Variants in GUCY1B1 observed in about 807,000 individuals in gnomAD.
GUCY1B1 encodes guanylate cyclase 1 soluble subunit beta 1, also known as guanylate cyclase soluble subunit beta-1.
Under a neutral mutation model 71.0 loss-of-function variants are expected in GUCY1B1, and 43 were observed. The observed-to-expected ratio is 0.61, with a 90% CI of 0.47 to 0.78. The LOEUF is 0.78. Ranked by LOEUF, GUCY1B1 falls within the 30% of genes least tolerant of loss-of-function variation. GUCY1B1 has a pLI of 0.00. For synonymous variants in GUCY1B1, 266 were observed against 259.7 expected, an observed-to-expected ratio of 1.02 and a Z score of -0.23; for missense variants, 535 against 754.1, an observed-to-expected ratio of 0.71 and a Z score of 3.40.
At chr4:155,791,952 G>T (rs1313095382) in intron 5 of GUCY1B1, among the ~76,000 whole-genome samples, 4 of 152,016 alleles carry the variant, frequency 2.6e-5, no homozygotes, top group Non-Finnish European at 5.9e-5. Flanking sequence ...AGAATCTTTG[G>T]CATGGGAGAT....
In GUCY1B1 at chr4:155,789,969, G is replaced by T. The variant is rs1662449087; in HGVS notation, c.495+58G>T. The T allele has an allele frequency of 2.6e-6, 3 of 1,143,460 alleles. 1 individual carries two copies. The South Asian group carries it at 4.3e-5, about 16-fold the overall frequency. 70.8% of individuals were successfully genotyped at this position (1,143,460 alleles called of 1,614,324 possible). ...GATGACATCTAAAAATATTTTAAAT[G>T]ACACTCTCTAAATTTACCTGCAGTT... is the stretch of plus-strand genomic sequence containing the variant. On this transcript the variant is annotated intron_variant, in intron 5 of 13. Transcript: ENST00000264424.
At chr4:155,759,377 G>T (rs1736791212) in intron 1 of GUCY1B1, 3 of 550,626 alleles carry the variant, frequency 5.4e-6, no homozygotes, top group Non-Finnish European at 9.5e-6. Context: ...GCTCCACACC[G>T]CAGCTTCCTG....
chr4:155,784,919 A>G (rs184569431), intron 4 of GUCY1B1, among the ~76,000 whole-genome samples: 126 of 152,324 alleles, frequency 8.3e-4, no homozygotes, highest in East Asian at 2.9e-3. Flanking sequence ...GATCTTTAAA[A>G]ATGTGACACT....
At chr4:155,794,892 C>G (rs972106215) in intron 6 of GUCY1B1, among the ~76,000 whole-genome samples, 5 of 152,216 alleles carry the variant, frequency 3.3e-5, no homozygotes, top group African/African-American at 1.2e-4. Context: ...ATACTTAGTT[C>G]ATTGTAAGCA....
At chr4:155,789,940 C>T (rs755314632) in intron 5 of GUCY1B1, 29 bp downstream of exon 5, 1 of 1,357,464 alleles carries the variant, frequency 7.4e-7, no homozygotes, top group Non-Finnish European at 1.0e-6. Context: ...GACTTCTGAA[C>T]ACAGATGACA....
chr4:155,774,462 T>G (rs908216429), intron 2 of GUCY1B1, among the ~76,000 whole-genome samples: 1 of 152,224 alleles, frequency 6.6e-6, no homozygotes, highest in African/African-American at 2.4e-5. Flanking sequence ...ACTGCTCTAC[T>G]CTGCTTTATT....
chr4:155,796,392 G>A lies in GUCY1B1; in HGVS notation c.859G>A (p.Val287Met), dbSNP rs1337366077. The A allele has an allele frequency of 6.2e-7, 1 of 1,613,420 alleles. No individual in the cohort carries two copies. The change falls in exon 8 of 14, where the codon GTG becomes ATG. Residue 287 changes from valine (V) to methionine (M), a missense_variant. Physicochemically the swap from Val to Met is conservative, Grantham distance 21. Coordinates refer to ENST00000264424, the MANE Select transcript of GUCY1B1 (RefSeq NM_000857.5). Reference protein sequence around the residue: ...VLRSKEGLLDVEKLECEDELT... With the variant: ...VLRSKEGLLDMEKLECEDELT... Reference sequence around the variant, plus strand: ...CCTTTTCAAGGAAGGATTGTTGGATGTGGAGAAATTAGAATGTGAGGATGA... The same window carrying A: ...CCTTTTCAAGGAAGGATTGTTGGATATGGAGAAATTAGAATGTGAGGATGA...
In GUCY1B1 at chr4:155,800,184, G is replaced by A. The variant is rs367664711; in HGVS notation, c.1175+110G>A. On this transcript the variant is annotated intron_variant, in intron 9 of 13. Coordinates refer to ENST00000264424, the MANE Select transcript of GUCY1B1 (RefSeq NM_000857.5). ...AGCCATGTGACCTGTAATAGCTCTGGTGTAGTAAATAAAATCTTTCACATT... is the reference window on the plus strand; with the variant it reads ...AGCCATGTGACCTGTAATAGCTCTGATGTAGTAAATAAAATCTTTCACATT... 1.2e-3 allele frequency: 726 copies of A among 582,970 alleles called. 9 individuals carry two copies. The highest frequency in any genetic ancestry group is 0.012 in the South Asian group (395 of 32,694). The allele number at this position is 582,970 out of a possible 1,614,324, so 36.1% of individuals were successfully genotyped here.
intron 11 of GUCY1B1, 103 bp downstream of exon 11, chr4:155,803,867 A>C: frequency 1.5e-6 from 1 of 684,214 alleles, no homozygotes; most frequent in Non-Finnish European, 2.3e-6. Context: ...AAAGAAGGGC[A>C]TCTTGACAAC....
intron 13 of GUCY1B1, among the ~76,000 whole-genome samples, 153 bp from the exon 14 acceptor site, chr4:155,806,233 C>A (rs778771603): frequency 6.6e-5 from 10 of 152,058 alleles, no homozygotes; most frequent in Non-Finnish European, 1.5e-4. Context: ...GTCGTGCGGT[C>A]CTGTTTTTCC....
intron 2 of GUCY1B1, among the ~76,000 whole-genome samples, chr4:155,764,187 A>T (rs1737183771): frequency 6.6e-6 from 1 of 152,152 alleles, no homozygotes; most frequent in Non-Finnish European, 1.5e-5. Flanking sequence ...TGAAGGTGTG[A>T]TTTAAACTTC....
intron 9 of GUCY1B1, among the ~76,000 whole-genome samples, chr4:155,801,034 G>T (rs1414811826): frequency 6.6e-6 from 1 of 152,080 alleles, no homozygotes; most frequent in African/African-American, 2.4e-5. Context: ...AAATAACATA[G>T]CCTTTAAATT....
chr4:155,787,855 T>G (rs949311691), intron 4 of GUCY1B1, among the ~76,000 whole-genome samples: 1 of 152,198 alleles, frequency 6.6e-6, no homozygotes, highest in Non-Finnish European at 1.5e-5. Context: ...GATTTTTCTG[T>G]TTTTCTAAAT....
chr4:155,783,909 TA>T (rs1354184075), intron 4 of GUCY1B1, among the ~76,000 whole-genome samples: 2 of 152,162 alleles, frequency 1.3e-5, no homozygotes, highest in African/African-American at 4.8e-5. Context: ...AAAATAGTTT[TA>T]TTTTTTAAAA....
intron 4 of GUCY1B1, among the ~76,000 whole-genome samples, chr4:155,782,087 T>A (rs1738465944): frequency 1.3e-5 from 2 of 151,940 alleles, no homozygotes; most frequent in African/African-American, 4.8e-5. Context: ...TTATTATTAT[T>A]ATTATTGAGA....
At chr4:155,774,746 A>G (rs952907170) in intron 2 of GUCY1B1, among the ~76,000 whole-genome samples, 3 of 152,190 alleles carry the variant, frequency 2.0e-5, no homozygotes, top group African/African-American at 7.2e-5. Context: ...TCTTGCTAAA[A>G]TATACTTAAA....
chr4:155,805,323 A>G, intron 13 of GUCY1B1, 94 bp downstream of exon 13: 1 of 1,069,730 alleles, frequency 9.3e-7, no homozygotes, highest in South Asian at 1.7e-5. Context: ...TCATTTGAAA[A>G]GAATTCTTGC....
chr4:155,795,501 C>T (rs372083082), intron 7 of GUCY1B1, 44 bp downstream of exon 7: 5 of 951,674 alleles, frequency 5.3e-6, no homozygotes, highest in African/African-American at 1.6e-5. Flanking sequence ...AGGTATGTCA[C>T]AAATTAGAAG....
chr4:155,800,312 A>G (rs1739856264), intron 9 of GUCY1B1, among the ~76,000 whole-genome samples: 1 of 152,256 alleles, frequency 6.6e-6, no homozygotes, highest in Admixed American at 6.5e-5. Flanking sequence ...ATAGGCCAAA[A>G]TATCTTTTGG....
Sources: gnomAD v4.1 joint callset for allele counts (sites outside exome capture counted in the v4.1 genomes callset) on GRCh38, gnomAD v4.1.1 for gene constraint, MANE v1.5 for transcripts, NCBI Gene and HGNC (gene_info 2026-07-23, HGNC 2026-07-21) for gene names.